The following KIF13A variants were observed in gnomAD, a reference collection of about 807,000 sequenced individuals.
The protein encoded by KIF13A is kinesin family member 13A, also known as kinesin-like protein KIF13A.
In KIF13A, 79 loss-of-function variants were observed where a neutral mutation model predicts 212.2. That is an observed-to-expected ratio of 0.37 (90% CI 0.31 to 0.45). KIF13A has a LOEUF of 0.45. KIF13A is among the 20% of genes least tolerant of loss of function. KIF13A has a pLI of 1.00. For missense variants in KIF13A, 1,901 were observed against 2,209.0 expected (o/e 0.86, Z 2.79); for synonymous variants, 789 against 808.6 (o/e 0.98, Z 0.41).
chr6:17,907,991 A>G (rs752297809), intron 2 of KIF13A, among the ~76,000 whole-genome samples: 1 of 152,188 alleles, frequency 6.6e-6, no homozygotes, highest in Non-Finnish European at 1.5e-5. Context: ...CGCACTGGTG[A>G]GCCTCTGCCT....
At chr6:17,978,259 TTTG>T (rs1780759445) in intron 2 of KIF13A, among the ~76,000 whole-genome samples, 1 of 152,248 alleles carries the variant, frequency 6.6e-6, no homozygotes, top group Non-Finnish European at 1.5e-5. Context: ...AAAACTTTAT[TTTG>T]TTTTTATTTA....
At position 17,825,900 on chromosome 6, in the gene KIF13A, A is replaced by G; in HGVS notation, c.1654T>C (p.Leu552=). ...NLPKRKRRDW[L]KDFEKETGPP... ...CCCGTTTCTTTTTCAAAGTCTTTCA[A>G]CCAATCTCGACGTTTCCTCTTAGGT... Residue 552 remains leucine (L), a synonymous_variant, in exon 16 of 39, where the codon TTG becomes CTG. Transcript: ENST00000259711. This position sits in a 1 kb window ranked among gnomAD's most constrained non-coding sequence, Gnocchi z 4.5. 1 of 1,613,968 alleles carries G rather than the reference A, an allele frequency of 6.2e-7. No homozygotes were observed. Among genetic ancestry groups the G allele is most frequent in the South Asian group, 1.1e-5 (1 of 91,080 alleles).
At position 17,796,831 on chromosome 6, in the gene KIF13A, TG is replaced by T; in HGVS notation, c.2791-12del. ...ATTCACCACATAGTCCTGGGATAAG[TG>T]GGGGAAAGCAAAAGAATTATGCTTA... On this transcript the variant is annotated splice_polypyrimidine_tract_variant and intron_variant, in intron 22 of 38. Transcript: ENST00000259711. 1 of 1,474,698 alleles carries T rather than the reference TG, an allele frequency of 6.8e-7. No individual in the cohort carries two copies. 91.4% of individuals were successfully genotyped at this position (1,474,698 alleles called of 1,614,324 possible). A position where few individuals can be genotyped will look rare whatever the true frequency, so the allele number is the denominator to read the frequency against.
At chr6:17,823,446 C>CT (rs771194122) in intron 16 of KIF13A, among the ~76,000 whole-genome samples, 73 of 146,494 alleles carry the variant, frequency 5.0e-4, no homozygotes, top group Non-Finnish European at 9.9e-4. Context: ...GCCTTCCTCC[C>CT]TCTCTTTTTC....
Position 17,816,305 on chromosome 6 carries a change from G to A in KIF13A, c.2000+715C>T, listed in dbSNP as rs1158280510. ...TAAAGCCTTGATCTCTGGGGCTCAA[G>A]TGACCCTCCCTCCTAAGCCTCCCAA... On this transcript the variant is annotated intron_variant, in intron 17 of 38. Coordinates refer to ENST00000259711, the MANE Select transcript of KIF13A (RefSeq NM_022113.6). This position sits in a 1 kb window ranked among gnomAD's most constrained non-coding sequence, Gnocchi z 4.3. Among the ~76,000 whole-genome samples the A allele has an allele frequency of 6.6e-6, 1 of 152,054 alleles. No homozygotes were observed. The highest frequency in any genetic ancestry group is 1.9e-4 in the East Asian group (1 of 5,184).
intron 2 of KIF13A, among the ~76,000 whole-genome samples, chr6:17,929,219 A>G (rs555808540): frequency 1.3e-5 from 2 of 151,572 alleles, no homozygotes; most frequent in African/African-American, 4.8e-5. Flanking sequence ...TGAGAGAGAC[A>G]GAGAGAGAGA....
At chr6:17,896,005 T>C (rs1227301560) in intron 3 of KIF13A, among the ~76,000 whole-genome samples, 1 of 152,176 alleles carries the variant, frequency 6.6e-6, no homozygotes, top group African/African-American at 2.4e-5. Flanking sequence ...CAATCATCCT[T>C]TGGTATATGT....
Position 17,898,216 on chromosome 6 carries a change from A to G in KIF13A, c.147-36T>C. On this transcript the variant is annotated intron_variant, in intron 2 of 38. Coordinates refer to ENST00000259711, the MANE Select transcript of KIF13A (RefSeq NM_022113.6). The surrounding 1 kb of genome is among the most constrained non-coding windows in gnomAD (Gnocchi z 5.2). Reference sequence around the variant, plus strand: ...GGAAAAAAAAAATTCAGCAGCAGGGATACAGAGGGTTGTCAACACAGCAGC... The same window carrying G: ...GGAAAAAAAAAATTCAGCAGCAGGGGTACAGAGGGTTGTCAACACAGCAGC... 1 of 1,610,070 alleles carries G rather than the reference A, an allele frequency of 6.2e-7. No homozygotes were observed. Among genetic ancestry groups the G allele is most frequent in the Non-Finnish European group, 8.5e-7 (1 of 1,177,170 alleles).
At chr6:17,801,010 G>A (rs1238573837) in intron 20 of KIF13A, among the ~76,000 whole-genome samples, 3 of 152,000 alleles carry the variant, frequency 2.0e-5, no homozygotes, top group African/African-American at 7.2e-5. Context: ...GGGATTATAG[G>A]TGTGAGCCAA....
At chr6:17,966,280 T>C (rs986218171) in intron 2 of KIF13A, among the ~76,000 whole-genome samples, 1 of 152,116 alleles carries the variant, frequency 6.6e-6, no homozygotes, top group African/African-American at 2.4e-5. Context: ...TTTTTATGTG[T>C]GCTATTTTTT....
At chr6:17,923,189 G>A (rs1447931253) in intron 2 of KIF13A, among the ~76,000 whole-genome samples, 7 of 151,812 alleles carry the variant, frequency 4.6e-5, no homozygotes, top group East Asian at 1.9e-4. Context: ...CAGGAGAATC[G>A]CTTGAGCCAC....
intron 2 of KIF13A, among the ~76,000 whole-genome samples, chr6:17,976,556 G>A (rs541163768): frequency 2.0e-5 from 3 of 152,128 alleles, no homozygotes; most frequent in Non-Finnish European, 2.9e-5. Context: ...CCCGGTTCCC[G>A]CTCGCGCCTC....
intron 31 of KIF13A, 60 bp from the exon 32 acceptor site, chr6:17,779,744 T>C (rs1245919086): frequency 3.9e-6 from 2 of 508,250 alleles, no homozygotes; most frequent in Non-Finnish European, 6.4e-6. Context: ...TATTTTGTAT[T>C]TTTTTTTTTT....
At position 17,787,239 on chromosome 6, in the gene KIF13A, G is replaced by A. The variant is rs965788211; in HGVS notation, c.3361+537C>T. ...ACGAAATTTGAATTTGACATTTAATGTCACAGTTTTATGAGATAATTCTGA... is the reference window on the plus strand; with the variant it reads ...ACGAAATTTGAATTTGACATTTAATATCACAGTTTTATGAGATAATTCTGA... On this transcript the variant is annotated intron_variant, in intron 27 of 38. Coordinates refer to ENST00000259711, the MANE Select transcript of KIF13A (RefSeq NM_022113.6). This position sits in a 1 kb window ranked among gnomAD's most constrained non-coding sequence, Gnocchi z 4.6. Among the ~76,000 whole-genome samples, 3 of 152,200 alleles carry A rather than the reference G, an allele frequency of 2.0e-5. No homozygotes were observed. The highest frequency in any genetic ancestry group is 7.2e-5 in the African/African-American group (3 of 41,452).
chr6:17,767,969 G>C (rs1250232173), intron 38 of KIF13A, among the ~76,000 whole-genome samples: 1 of 152,138 alleles, frequency 6.6e-6, no homozygotes, highest in Non-Finnish European at 1.5e-5. Context: ...AGTTCACAGT[G>C]GGGAAAATAA....
chr6:17,973,583 A>G (rs1185095770), intron 2 of KIF13A, among the ~76,000 whole-genome samples: 1 of 152,176 alleles, frequency 6.6e-6, no homozygotes, highest in African/African-American at 2.4e-5. Flanking sequence ...TCAACTCTCA[A>G]AGTACCGTTG....
intron 2 of KIF13A, among the ~76,000 whole-genome samples, chr6:17,904,120 G>A (rs1029351878): frequency 1.3e-5 from 2 of 151,928 alleles, no homozygotes; most frequent in Admixed American, 6.6e-5. Context: ...TCGTGCCACC[G>A]CACTCTGACT....
At chr6:17,956,099 G>A (rs898043054) in intron 2 of KIF13A, among the ~76,000 whole-genome samples, 1 of 152,160 alleles carries the variant, frequency 6.6e-6, no homozygotes, top group African/African-American at 2.4e-5. Context: ...GCCAGGCTCC[G>A]TTCTAAGGAC....
At chr6:17,929,891 G>GCA (rs372195717) in intron 2 of KIF13A, among the ~76,000 whole-genome samples, 80 of 152,280 alleles carry the variant, frequency 5.3e-4, no homozygotes, top group African/African-American at 1.8e-3. Context: ...GGCACTACAT[G>GCA]CAAACACATT....
Sources: allele counts gnomAD v4.1 joint callset (sites outside exome capture counted in the v4.1 genomes callset), GRCh38; gene constraint gnomAD v4.1.1; non-coding constraint Gnocchi (gnomAD v3.1); transcripts MANE v1.5; gene names NCBI Gene and HGNC (gene_info 2026-07-23, HGNC 2026-07-21).